The following GPM6A variants were observed in gnomAD, a reference collection of about 807,000 sequenced individuals.
GPM6A encodes the protein neuronal membrane glycoprotein M6-a.
In GPM6A, 7 loss-of-function variants were observed where a neutral mutation model predicts 32.1. The ratio of observed to expected loss-of-function variants is 0.22; its 90% CI spans 0.12 to 0.41. GPM6A has a LOEUF of 0.41. Among genes scored for constraint, GPM6A ranks in the 10% least tolerant of loss-of-function variants. The pLI, the probability that GPM6A is intolerant of heterozygous loss-of-function variation, is 1.00. For synonymous variants in GPM6A, 130 were observed against 123.4 expected, an observed-to-expected ratio of 1.05 and a Z score of -0.35; for missense variants, 235 against 347.2, an observed-to-expected ratio of 0.68 and a Z score of 2.57.
Position 175,634,102 on chromosome 4 carries a change from C to T in GPM6A, c.*803G>A, listed in dbSNP as rs188563054. ...AAAGAGATCATTCTTCAATAGTCTA[C>T]AGTAGTTATTTCCATTAAAATTGTC... On this transcript the variant is annotated 3_prime_UTR_variant, in exon 7 of 7. Coordinates refer to ENST00000393658, the MANE Select transcript of GPM6A (RefSeq NM_201591.3). 2.3e-3 allele frequency: 357 copies of T among 152,622 alleles called. 1 individual carries two copies. Among genetic ancestry groups the T allele is most frequent in the Non-Finnish European group, 4.0e-3 (271 of 67,968 alleles). 9.5% of individuals were successfully genotyped at this position (152,622 alleles called of 1,614,324 possible).
At chr4:175,794,330 G>T (rs1020082893) in intron 1 of GPM6A, among the ~76,000 whole-genome samples, 2 of 152,164 alleles carry the variant, frequency 1.3e-5, no homozygotes, top group African/African-American at 2.4e-5. Context: ...AATTTCTTTA[G>T]ATTTACACAT....
intron 2 of GPM6A, among the ~76,000 whole-genome samples, chr4:175,698,549 C>A (rs1023554488): frequency 2.0e-5 from 3 of 152,076 alleles, no homozygotes; most frequent in Admixed American, 2.0e-4. Context: ...TCCTCGAAAC[C>A]TTTATGTAAT....
At chr4:175,663,469 G>A (rs1426073506) in intron 3 of GPM6A, among the ~76,000 whole-genome samples, 1 of 152,228 alleles carries the variant, frequency 6.6e-6, no homozygotes, top group Non-Finnish European at 1.5e-5. Context: ...CAACATGGTC[G>A]CTATAGTTAA....
chr4:175,711,695 T>G (rs1745554809), intron 1 of GPM6A, among the ~76,000 whole-genome samples: 1 of 130,510 alleles, frequency 7.7e-6, no homozygotes, highest in Non-Finnish European at 1.6e-5. Context: ...GAGTTGGGCC[T>G]GGAGAAGTTC....
At chr4:175,660,863 G>A (rs1415204127) in intron 3 of GPM6A, among the ~76,000 whole-genome samples, 1 of 152,196 alleles carries the variant, frequency 6.6e-6, no homozygotes, top group Non-Finnish European at 1.5e-5. Flanking sequence ...TCTCACTTAG[G>A]TTGACAGTGT....
chr4:175,948,739 T>C (rs967373874), intron 1 of GPM6A, among the ~76,000 whole-genome samples: 1 of 145,772 alleles, frequency 6.9e-6, no homozygotes, highest in Non-Finnish European at 1.5e-5. Flanking sequence ...TGTCTTTTCC[T>C]TCTGCAGGAA....
chr4:175,876,687 G>C (rs1737094481), intron 1 of GPM6A, among the ~76,000 whole-genome samples: 2 of 152,178 alleles, frequency 1.3e-5, no homozygotes, highest in African/African-American at 4.8e-5. Flanking sequence ...AAATTTCTCA[G>C]TGTTAGTCCA....
intron 1 of GPM6A, among the ~76,000 whole-genome samples, chr4:175,799,643 T>G (rs1560939614): frequency 6.6e-6 from 1 of 151,752 alleles, no homozygotes; most frequent in Non-Finnish European, 1.5e-5. Flanking sequence ...ATGACTACAT[T>G]TGTCACCCTA....
chr4:175,891,712 G>A (rs1579602835), intron 1 of GPM6A: 2 of 152,130 alleles, frequency 1.3e-5, no homozygotes, highest in African/African-American at 2.4e-5. Context: ...AAAAGAAGGT[G>A]GTGAGAATTT....
chr4:175,932,333 C>T (rs1272296198), intron 1 of GPM6A, among the ~76,000 whole-genome samples: 1 of 152,120 alleles, frequency 6.6e-6, no homozygotes, highest in Non-Finnish European at 1.5e-5. Flanking sequence ...CTCTTGCCTT[C>T]CATCTTCTGC....
intron 1 of GPM6A, among the ~76,000 whole-genome samples, chr4:175,980,348 C>A (rs1158468202): frequency 6.6e-6 from 1 of 152,248 alleles, no homozygotes; most frequent in Non-Finnish European, 1.5e-5. Flanking sequence ...CAGAGTGAGA[C>A]CCTGTCTCAA....
chr4:175,937,383 T>C (rs1739274232), intron 1 of GPM6A, among the ~76,000 whole-genome samples: 1 of 152,192 alleles, frequency 6.6e-6, no homozygotes, highest in East Asian at 1.9e-4. Context: ...AAGATGCAAA[T>C]TAGTTCTATC....
At chr4:175,997,603 T>A (rs1741348934) in intron 1 of GPM6A, among the ~76,000 whole-genome samples, 1 of 152,124 alleles carries the variant, frequency 6.6e-6, no homozygotes, top group African/African-American at 2.4e-5. Flanking sequence ...TAAGGGATTA[T>A]CATCTGCTTC....
intron 1 of GPM6A, among the ~76,000 whole-genome samples, chr4:175,747,223 T>G (rs538492782): frequency 6.9e-6 from 1 of 144,948 alleles, no homozygotes; most frequent in African/African-American, 2.6e-5. Context: ...TTAGCCGAGA[T>G]TGTGTCACTA....
At chr4:175,664,241 T>C (rs983502991) in intron 3 of GPM6A, among the ~76,000 whole-genome samples, 4 of 152,140 alleles carry the variant, frequency 2.6e-5, no homozygotes, top group African/African-American at 9.7e-5. Context: ...AGTGAAACAC[T>C]CTGTGTGATA....
At chr4:175,792,968 C>T (rs1417044992) in intron 1 of GPM6A, among the ~76,000 whole-genome samples, 1 of 152,134 alleles carries the variant, frequency 6.6e-6, no homozygotes, top group Non-Finnish European at 1.5e-5. Context: ...CACTTAAGGC[C>T]AGGAGTTTCA....
chr4:175,979,578 G>A (rs1429812691), intron 1 of GPM6A, among the ~76,000 whole-genome samples: 1 of 151,762 alleles, frequency 6.6e-6, no homozygotes, highest in Non-Finnish European at 1.5e-5. Context: ...TTGTGCACAT[G>A]TACCCTAGGA....
intron 2 of GPM6A, among the ~76,000 whole-genome samples, chr4:175,674,985 CATA>C (rs1194427655): frequency 6.7e-6 from 1 of 148,348 alleles, no homozygotes; most frequent in African/African-American, 2.6e-5. Context: ...AGAACTGATA[CATA>C]ATAACAGATG....
At chr4:175,750,336 G>T (rs1732281364) in intron 1 of GPM6A, among the ~76,000 whole-genome samples, 1 of 152,126 alleles carries the variant, frequency 6.6e-6, no homozygotes, top group Non-Finnish European at 1.5e-5. Flanking sequence ...GGGATTACAG[G>T]TGTGAGCCAC....
Sources: allele counts gnomAD v4.1 joint callset (sites outside exome capture counted in the v4.1 genomes callset), GRCh38; gene constraint gnomAD v4.1.1; transcripts MANE v1.5; gene names NCBI Gene and HGNC (gene_info 2026-07-23, HGNC 2026-07-21).